SYTL2: variants seen among roughly 807,000 people sequenced by gnomAD.
The protein encoded by SYTL2 is synaptotagmin-like protein 2.
A neutral mutation model predicts 198.7 loss-of-function variants in SYTL2; 165 were observed. The ratio of observed to expected loss-of-function variants is 0.83; its 90% confidence interval spans 0.73 to 0.94. The LOEUF (loss-of-function observed/expected upper bound fraction) is 0.94, where lower values mean the gene tolerates loss of function less well. Ranked by LOEUF, SYTL2 falls within the 40% of genes least tolerant of loss-of-function variation. The pLI is 0.00. For missense variants in SYTL2, 2,835 were observed against 2,582.8 expected (o/e 1.10, Z -2.12); for synonymous variants, 966 against 917.7 (o/e 1.05, Z -0.95).
the SYTL2 span, among the ~76,000 whole-genome samples, chr11:85,818,749 G>A: frequency 1.3e-5 from 2 of 152,018 alleles, no homozygotes; most frequent in East Asian, 3.9e-4. Flanking sequence ...GCAGGGAAGT[G>A]GTGTGATCAT....
intron 3 of SYTL2, among the ~76,000 whole-genome samples, chr11:85,747,832 T>TA (rs548136598): frequency 1.3e-5 from 2 of 152,122 alleles, no homozygotes; most frequent in East Asian, 1.9e-4. Flanking sequence ...GTTTTTCCAT[T>TA]AAAAAAATGT....
chr11:85,728,101 T>C (rs1297864856), intron 7 of SYTL2, 134 bp from the exon 8 acceptor site: 17 of 739,424 alleles, frequency 2.3e-5, no homozygotes, highest in Non-Finnish European at 3.6e-5. Flanking sequence ...ACCAGCATTT[T>C]TCAGGGGTTA....
In SYTL2 at chr11:85,757,704, T is replaced by G; in HGVS notation, c.22A>C (p.Thr8Pro). The change falls in exon 2 of 20, where the codon ACT becomes CCT. Residue 8 changes from threonine to proline, a missense_variant. Coordinates refer to ENST00000359152, the MANE Select transcript of SYTL2 (RefSeq NM_206927.4). MIDLSFLTEEEQEAIMKV... is the reference protein window; with the variant it reads MIDLSFLPEEEQEAIMKV... ...ATGATGGCCTCTTGTTCCTCTTCAG[T>G]CAGGAAGCTTAAGTCAATCATTTTG... 6.2e-7 allele frequency: 1 copy of G among 1,613,370 alleles called. No homozygotes were observed.
At chr11:85,803,545 TG>T (rs2092919888) in intron 1 of SYTL2, among the ~76,000 whole-genome samples, 2 of 152,220 alleles carry the variant, frequency 1.3e-5, no homozygotes, top group South Asian at 4.1e-4. Flanking sequence ...TACATCTCTA[TG>T]GTAACAGAAA....
chr11:85,785,935 T>C (rs1039201897), intron 1 of SYTL2, among the ~76,000 whole-genome samples: 1 of 152,218 alleles, frequency 6.6e-6, no homozygotes, highest in Non-Finnish European at 1.5e-5. Flanking sequence ...TGTTACATAA[T>C]ACTATGTTTA....
chr11:85,735,112 G>A (rs2090205454), intron 6 of SYTL2, among the ~76,000 whole-genome samples: 1 of 152,234 alleles, frequency 6.6e-6, no homozygotes, highest in East Asian at 1.9e-4. Flanking sequence ...CATGAGGAAT[G>A]TTGATAATGA....
chr11:85,847,837 G>T, the SYTL2 span, among the ~76,000 whole-genome samples: 2 of 152,042 alleles, frequency 1.3e-5, no homozygotes, highest in Non-Finnish European at 1.5e-5. Flanking sequence ...TTGAGCTTGA[G>T]GAATTATTTA....
In SYTL2 at chr11:85,724,355, T is replaced by C; in HGVS notation, c.5003A>G (p.Tyr1668Cys). 6.3e-7 allele frequency: 1 copy of C among 1,586,950 alleles called. No individual in the cohort carries two copies. The highest frequency in any genetic ancestry group is 8.6e-7 in the Non-Finnish European group (1 of 1,169,250). The change falls in exon 8 of 20, where the codon TAT becomes TGT. Residue 1668 changes from tyrosine to cysteine, a missense_variant. This residue lies in a region of SYTL2 where 2,645 missense variants were observed against 2,381.7 expected (regional missense o/e 1.11). Coordinates refer to ENST00000359152, the MANE Select transcript of SYTL2 (RefSeq NM_206927.4). ...AATGGTCCCTATTTCATGAGCCACA[T>C]AAAGTTGTGGGGTTCTAGGGATCTC... ...GVEIPRTPQL[Y>C]VAHEIGTIKT...
chr11:85,804,462 C>G (rs1329923213), intron 1 of SYTL2, among the ~76,000 whole-genome samples: 1 of 152,142 alleles, frequency 6.6e-6, no homozygotes. Context: ...TTCTTATTGG[C>G]TGTGTCACCT....
chr11:85,827,782 C>T, the SYTL2 span, among the ~76,000 whole-genome samples: 1 of 152,118 alleles, frequency 6.6e-6, no homozygotes, highest in African/African-American at 2.4e-5. Context: ...TAAGAAAATC[C>T]TTGTCAAGTC....
intron 16 of SYTL2, 84 bp downstream of exon 16, chr11:85,704,774 G>T: frequency 8.9e-7 from 1 of 1,125,990 alleles, no homozygotes; most frequent in Non-Finnish European, 1.3e-6. Context: ...TCTGTACTCT[G>T]AATTAAATGC....
At chr11:85,766,632 G>A (rs1265994638) in intron 1 of SYTL2, among the ~76,000 whole-genome samples, 4 of 152,142 alleles carry the variant, frequency 2.6e-5, no homozygotes, top group South Asian at 2.1e-4. Flanking sequence ...AGCATCCACC[G>A]CAGGCCCAGA....
chr11:85,700,699 G>A (rs2084164051), intron 16 of SYTL2, 106 bp from the exon 17 acceptor site: 1 of 833,180 alleles, frequency 1.2e-6, no homozygotes, highest in South Asian at 1.5e-5. Flanking sequence ...GGGACCATGT[G>A]TCACTCATGA....
At chr11:85,826,657 C>T in the SYTL2 span, among the ~76,000 whole-genome samples, 2 of 152,218 alleles carry the variant, frequency 1.3e-5, no homozygotes, top group African/African-American at 4.8e-5. Flanking sequence ...CTTGCTGAGC[C>T]TCTAACGGTA....
At chr11:85,700,216 G>C (rs1260567377) in intron 17 of SYTL2, among the ~76,000 whole-genome samples, 1 of 152,094 alleles carries the variant, frequency 6.6e-6, no homozygotes. Context: ...GTTCAGATTT[G>C]CAAGATGAAA....
chr11:85,711,015 G>T (rs1394520563), intron 13 of SYTL2, 98 bp downstream of exon 13: 2 of 1,328,446 alleles, frequency 1.5e-6, no homozygotes, highest in African/African-American at 1.5e-5. Flanking sequence ...TGTGCCCTGA[G>T]AAATACAGGA....
the SYTL2 span, among the ~76,000 whole-genome samples, chr11:85,829,089 A>G: frequency 6.6e-6 from 1 of 151,718 alleles, no homozygotes; most frequent in African/African-American, 2.4e-5. Flanking sequence ...TATAGTTTCA[A>G]CTTTTATTAT....
Position 85,748,438 on chromosome 11 carries a change from G to T in SYTL2, c.102-15C>A, listed in dbSNP as rs1343856242. On this transcript the variant is annotated splice_polypyrimidine_tract_variant and intron_variant, in intron 2 of 19. Transcript: ENST00000359152. Reference sequence around the variant, plus strand: ...CAGGCAAATGTCTACAAAAGGAAAAGATCTTTAGTTTGCTGAGAACCCACA... The same window carrying T: ...CAGGCAAATGTCTACAAAAGGAAAATATCTTTAGTTTGCTGAGAACCCACA... 6.2e-7 allele frequency: 1 copy of T among 1,613,056 alleles called. No individual in the cohort carries two copies. The highest frequency in any genetic ancestry group is 8.5e-7 in the Non-Finnish European group (1 of 1,179,502).
chr11:85,726,652 CAG>C lies in SYTL2; in HGVS notation c.2704_2705del (p.Leu902ValfsTer4). The C allele has an allele frequency of 6.5e-7, 1 of 1,537,096 alleles. No homozygotes were observed. On this transcript the variant is annotated frameshift_variant, in exon 8 of 20. Transcript: ENST00000359152. LOFTEE classifies it high-confidence loss of function. ...TAGGCTCATTTTTCTTATTCTGAAA[CAG>C]AGACACTTTATCTGATTGCTCAGCT... is the stretch of plus-strand genomic sequence containing the variant. The part of the protein sequence containing the change: ...LSAEQSDKVS[L>X]FQNKKNEPIK...
Sources: allele counts gnomAD v4.1 joint callset (sites outside exome capture counted in the v4.1 genomes callset), GRCh38; gene constraint gnomAD v4.1.1; regional missense constraint gnomAD v4.1.1; transcripts MANE v1.5; gene names NCBI Gene and HGNC (gene_info 2026-07-23, HGNC 2026-07-21).